SASS6: variants seen among roughly 807,000 people sequenced by gnomAD.
SASS6 encodes SAS-6 centriolar assembly protein.
Under a neutral mutation model 94.9 loss-of-function variants are expected in SASS6, and 59 were observed. The ratio of observed to expected loss-of-function variants is 0.62; its 90% confidence interval spans 0.50 to 0.77. SASS6 has a LOEUF of 0.77. SASS6 is among the 30% of genes least tolerant of loss of function. The pLI, the probability that SASS6 is intolerant of heterozygous loss-of-function variation, is 0.00. For missense variants in SASS6, 698 were observed against 734.1 expected, an observed-to-expected ratio of 0.95 and a Z score of 0.57; for synonymous variants, 264 against 270.0, an observed-to-expected ratio of 0.98 and a Z score of 0.22.
intron 7 of SASS6, among the ~76,000 whole-genome samples, chr1:100,115,093 A>G (rs1445018143): frequency 6.6e-6 from 1 of 152,026 alleles, no homozygotes; most frequent in African/African-American, 2.4e-5. Flanking sequence ...TCTGTGCAAG[A>G]AAAAAAAGGA....
Position 100,107,624 on chromosome 1 carries a change from A to T in SASS6, c.1146+4T>A. 6.3e-7 allele frequency: 1 copy of T among 1,586,508 alleles called. No homozygotes were observed. Among genetic ancestry groups the T allele is most frequent in the Non-Finnish European group, 8.6e-7 (1 of 1,165,980 alleles). On this transcript the variant is annotated splice_donor_region_variant and intron_variant, in intron 10 of 16. Coordinates refer to ENST00000287482, the MANE Select transcript of SASS6 (RefSeq NM_194292.3). ...TACTAGTCTATAAAATTTTTAAAAC[A>T]AACCTTCAGAAGTTCTGCAGATAAT...
chr1:100,087,850 G>C (rs1448731596), intron 15 of SASS6, among the ~76,000 whole-genome samples: 1 of 152,140 alleles, frequency 6.6e-6, no homozygotes, highest in Non-Finnish European at 1.5e-5. Context: ...ATATTTGAAA[G>C]CCCAGTCTTC....
At chr1:100,111,495 TA>T (rs1163100116) in intron 7 of SASS6, among the ~76,000 whole-genome samples, 2 of 152,048 alleles carry the variant, frequency 1.3e-5, no homozygotes, top group Non-Finnish European at 2.9e-5. Flanking sequence ...CAATTATAAA[TA>T]AAATGATGAT....
chr1:100,094,687 C>T lies in SASS6; in HGVS notation c.1675-6451G>A, dbSNP rs184764497. Among the ~76,000 whole-genome samples the T allele has an allele frequency of 4.9e-4, 74 of 151,814 alleles. 1 individual carries two copies. In the Middle Eastern group the frequency reaches 0.02, roughly 42 times the overall value. On this transcript the variant is annotated intron_variant, in intron 14 of 16. Coordinates refer to ENST00000287482, the MANE Select transcript of SASS6 (RefSeq NM_194292.3). ...TTCAAGACTAGCCTAGCCAACAGGG[C>T]GAAACCGTGTCTCTATTAAAAATAC...
At chr1:100,098,695 T>C (rs1042052483) in intron 14 of SASS6, among the ~76,000 whole-genome samples, 9 of 151,650 alleles carry the variant, frequency 5.9e-5, no homozygotes, top group African/African-American at 2.2e-4. Context: ...CATCCATAAA[T>C]AGAGTATTAG....
At position 100,120,395 on chromosome 1, in the gene SASS6, T is replaced by A; in HGVS notation, c.548A>T (p.Lys183Met). The A allele has an allele frequency of 6.7e-7, 1 of 1,483,870 alleles. No individual in the cohort carries two copies. Among genetic ancestry groups the A allele is most frequent in the South Asian group, 1.1e-5 (1 of 87,564 alleles). The allele number at this position is 1,483,870 out of a possible 1,614,324, so 91.9% of individuals were successfully genotyped here. The part of the protein sequence containing the change: ...DATKQLDFTR[K>M]TLAEKKQELD... ...AAGACAAAATGAAATTTGAATTACC[T>A]TTCGTGTAAAGTCCAGTTGCTTAGT... Residue 183 changes from lysine to methionine, a missense_variant and splice_region_variant, in exon 6 of 17, where the codon AAG (lysine) becomes ATG (methionine). Physicochemically the swap from Lys to Met is moderately conservative, Grantham distance 95. Coordinates refer to ENST00000287482, the MANE Select transcript of SASS6 (RefSeq NM_194292.3).
intron 7 of SASS6, among the ~76,000 whole-genome samples, chr1:100,113,501 G>A (rs1653537009): frequency 6.6e-6 from 1 of 151,786 alleles, no homozygotes; most frequent in Non-Finnish European, 1.5e-5. Context: ...GGTGCCTGTA[G>A]TCCCAGCTAC....
intron 5 of SASS6, among the ~76,000 whole-genome samples, chr1:100,120,907 G>A (rs890555731): frequency 3.3e-5 from 5 of 151,518 alleles, no homozygotes; most frequent in Admixed American, 6.6e-5. Context: ...AAAATTAGCC[G>A]GGCGTAGTGG....
intron 1 of SASS6, among the ~76,000 whole-genome samples, chr1:100,130,752 G>C (rs1049883963): frequency 6.6e-6 from 1 of 151,352 alleles, no homozygotes; most frequent in African/African-American, 2.4e-5. Context: ...TATAGGTCAA[G>C]GATCACCAAA....
chr1:100,126,551 G>A (rs1359626146), intron 1 of SASS6, among the ~76,000 whole-genome samples: 2 of 152,176 alleles, frequency 1.3e-5, no homozygotes, highest in South Asian at 2.1e-4. Context: ...GCTGAAGCAG[G>A]CAGATCACTT....
intron 14 of SASS6, among the ~76,000 whole-genome samples, chr1:100,096,488 T>C (rs1652116414): frequency 1.3e-5 from 2 of 152,192 alleles, no homozygotes; most frequent in Admixed American, 6.5e-5. Flanking sequence ...ACAGAGTTCT[T>C]ATATACAACT....
At position 100,106,978 on chromosome 1, in the gene SASS6, C is replaced by T. The variant is rs1035445240; in HGVS notation, c.1342G>A (p.Glu448Lys). 3.5e-6 allele frequency: 5 copies of T among 1,417,328 alleles called. No homozygotes were observed. In the African/African-American group the frequency reaches 7.1e-5, roughly 20 times the overall value. The allele number at this position is 1,417,328 out of a possible 1,614,324, so 87.8% of individuals were successfully genotyped here. The change falls in exon 12 of 17, where the codon GAA (glutamate) becomes AAA (lysine). Residue 448 changes from glutamate to lysine, a missense_variant. Transcript: ENST00000287482. ...IKEQEVCKLQ[E>K]QLEATVKKLE... ...TTTTTAACTGTAGCTTCTAATTGTTCTTGTAATTTGCATACCTGAAATATA... is the reference window on the plus strand; with the variant it reads ...TTTTTAACTGTAGCTTCTAATTGTTTTTGTAATTTGCATACCTGAAATATA...
At chr1:100,117,234 A>G (rs563107940) in intron 7 of SASS6, among the ~76,000 whole-genome samples, 120 of 150,358 alleles carry the variant, frequency 8.0e-4, no homozygotes, top group Non-Finnish European at 1.2e-3. Context: ...AAAGGTTGCA[A>G]TGAGCCAAAT....
At chr1:100,120,832 C>T (rs978495029) in intron 5 of SASS6, among the ~76,000 whole-genome samples, 1 of 151,910 alleles carries the variant, frequency 6.6e-6, no homozygotes, top group East Asian at 1.9e-4. Context: ...GGGCGGATCA[C>T]GAGGTCAGGA....
At chr1:100,096,334 A>T (rs1652096552) in intron 14 of SASS6, among the ~76,000 whole-genome samples, 1 of 152,216 alleles carries the variant, frequency 6.6e-6, no homozygotes, top group Non-Finnish European at 1.5e-5. Flanking sequence ...TATTCAGAGC[A>T]GGGGGGAAAA....
At position 100,128,815 on chromosome 1, in the gene SASS6, G is replaced by GGACATC. The variant is rs200709701; in HGVS notation, c.66-2874_66-2873insGATGTC. Among the ~76,000 whole-genome samples, 376 of 152,324 alleles carry GGACATC rather than the reference G, an allele frequency of 2.5e-3. 4 individuals carry two copies. In the East Asian group the frequency reaches 0.026, roughly 11 times the overall value. ...AAAAAGTATTCTAAACATCAGGCTT[G>GGACATC]CTTTAGCACAACTGGATTCTAGGCC... is the stretch of plus-strand genomic sequence containing the variant. On this transcript the variant is annotated intron_variant, in intron 1 of 16. Coordinates refer to ENST00000287482, the MANE Select transcript of SASS6 (RefSeq NM_194292.3).
chr1:100,112,552 T>C (rs1653429342), intron 7 of SASS6, among the ~76,000 whole-genome samples: 1 of 152,156 alleles, frequency 6.6e-6, no homozygotes, highest in African/African-American at 2.4e-5. Context: ...AGAATCAAAT[T>C]TGCCCTATTA....
At chr1:100,125,108 C>A (rs1294287633) in intron 2 of SASS6, among the ~76,000 whole-genome samples, 1 of 152,046 alleles carries the variant, frequency 6.6e-6, no homozygotes, top group Non-Finnish European at 1.5e-5. Context: ...GAGACTGATA[C>A]TCTAAATGCC....
intron 7 of SASS6, among the ~76,000 whole-genome samples, chr1:100,116,086 T>C (rs1034216511): frequency 6.6e-6 from 1 of 152,096 alleles, no homozygotes; most frequent in Non-Finnish European, 1.5e-5. Flanking sequence ...TTTGATGACA[T>C]TCAAATTAAA....
Sources: gnomAD v4.1 joint callset for allele counts (sites outside exome capture counted in the v4.1 genomes callset) on GRCh38, gnomAD v4.1.1 for gene constraint, MANE v1.5 for transcripts, NCBI Gene and HGNC (gene_info 2026-07-23, HGNC 2026-07-21) for gene names.